Variants in ADAMTS6 observed in about 807,000 individuals in gnomAD.
ADAMTS6 encodes A disintegrin and metalloproteinase with thrombospondin motifs 6.
In ADAMTS6, 23 loss-of-function variants were observed where a neutral mutation model predicts 144.3. The ratio of observed to expected loss-of-function variants is 0.16; its 90% CI spans 0.11 to 0.23. ADAMTS6 has a LOEUF of 0.23. Among genes scored for constraint, ADAMTS6 ranks in the 10% least tolerant of loss-of-function variants. The probability of loss-of-function intolerance (pLI) is 1.00; values close to 1 mark genes in which losing one functional copy is unlikely to be tolerated. For synonymous variants in ADAMTS6, 444 were observed against 457.5 expected (o/e 0.97, Z 0.38); for missense variants, 999 against 1,379.6 (o/e 0.72, Z 4.37).
intron 15 of ADAMTS6, among the ~76,000 whole-genome samples, chr5:65,228,609 CA>C (rs1342866883): frequency 1.3e-5 from 2 of 152,028 alleles, no homozygotes; most frequent in African/African-American, 4.8e-5. Flanking sequence ...ATTCCCCAAA[CA>C]GACAAATCGA....
At chr5:65,455,038 C>T (rs1759070956) in intron 4 of ADAMTS6, among the ~76,000 whole-genome samples, 1 of 152,244 alleles carries the variant, frequency 6.6e-6, no homozygotes, top group Admixed American at 6.5e-5. Context: ...GCTCAATCCT[C>T]TGTGATCATA....
At chr5:65,226,729 C>T (rs930043734) in intron 15 of ADAMTS6, among the ~76,000 whole-genome samples, 2 of 151,818 alleles carry the variant, frequency 1.3e-5, no homozygotes, top group Non-Finnish European at 2.9e-5. Flanking sequence ...ATTACAGGCA[C>T]CTGCCACTAT....
At chr5:65,254,945 A>G (rs1760518804) in intron 14 of ADAMTS6, among the ~76,000 whole-genome samples, 1 of 152,258 alleles carries the variant, frequency 6.6e-6, no homozygotes, top group East Asian at 1.9e-4. Context: ...AGTAGTGCTC[A>G]GTAAATGTCA....
chr5:65,176,299 T>C (rs1753979346), intron 22 of ADAMTS6, among the ~76,000 whole-genome samples: 1 of 152,194 alleles, frequency 6.6e-6, no homozygotes, highest in Non-Finnish European at 1.5e-5. Flanking sequence ...AAAAAGAATT[T>C]ATGCAAGAAA....
At chr5:65,223,762 C>A (rs1186523172) in intron 18 of ADAMTS6, among the ~76,000 whole-genome samples, 1 of 151,208 alleles carries the variant, frequency 6.6e-6, no homozygotes, top group Non-Finnish European at 1.5e-5. Context: ...AATAATGCTG[C>A]AATGATCATG....
At position 65,471,130 on chromosome 5, in the gene ADAMTS6, G is replaced by T. The variant is rs1760400283; in HGVS notation, c.110C>A (p.Thr37Asn). ...LSYSSQEEFL[T>N]YLEHYQLTIP... ...AGTTAGCTGGTAGTGTTCAAGATAA[G>T]TCAGGAATTCCTCTTTGTAATCACA... The change falls in exon 3 of 25, where the codon ACT (threonine) becomes AAT (asparagine). Residue 37 changes from threonine (T) to asparagine (N), a missense_variant. Thr to Asn is a moderately conservative substitution (Grantham distance 65, BLOSUM62 0). Coordinates refer to ENST00000381055, the MANE Select transcript of ADAMTS6 (RefSeq NM_197941.4). The T allele has an allele frequency of 6.3e-7, 1 of 1,589,210 alleles. No individual in the cohort carries two copies. The highest frequency in any genetic ancestry group is 8.5e-7 in the Non-Finnish European group (1 of 1,172,984).
chr5:65,199,588 A>G (rs887905117), intron 20 of ADAMTS6, among the ~76,000 whole-genome samples: 6 of 152,206 alleles, frequency 3.9e-5, no homozygotes, highest in Non-Finnish European at 8.8e-5. Flanking sequence ...ACTGACCCAT[A>G]GTCCAATATT....
At chr5:65,266,212 C>T (rs1467892470) in intron 12 of ADAMTS6, among the ~76,000 whole-genome samples, 1 of 151,856 alleles carries the variant, frequency 6.6e-6, no homozygotes, top group Non-Finnish European at 1.5e-5. Flanking sequence ...AGAAAAGTCA[C>T]ATGAACTAAA....
chr5:65,153,027 T>G (rs1752218575), intron 24 of ADAMTS6, among the ~76,000 whole-genome samples: 1 of 152,198 alleles, frequency 6.6e-6, no homozygotes, highest in Non-Finnish European at 1.5e-5. Context: ...TTTGCTTGTT[T>G]TTTCCTGGCT....
chr5:65,443,622 CAAAAAAAAAAAA>C lies in ADAMTS6; in HGVS notation c.1073+7841_1073+7852del, dbSNP rs59240974. On this transcript the variant is annotated intron_variant, in intron 7 of 24. Transcript: ENST00000381055. ...TAGGCAACAGAGTGAGACCCTGTCTCAAAAAAAAAAAAAAAAAAAAAAAAAAAGTTGGTATTC... is the reference window on the plus strand; with the variant it reads ...TAGGCAACAGAGTGAGACCCTGTCTCAAAAAAAAAAAAAAAGTTGGTATTC... Among the ~76,000 whole-genome samples the C allele has an allele frequency of 1.6e-4, 11 of 69,122 alleles. No individual in the cohort carries two copies. In the Admixed American group the frequency reaches 1.8e-3, roughly 12 times the overall value. 45.3% of individuals were successfully genotyped at this position (69,122 alleles called of 152,430 possible).
intron 2 of ADAMTS6, among the ~76,000 whole-genome samples, chr5:65,471,637 A>G (rs949656896): frequency 6.6e-6 from 1 of 152,150 alleles, no homozygotes; most frequent in South Asian, 2.1e-4. Context: ...ACACGCCTGT[A>G]GTCTCAGCTA....
At chr5:65,192,812 G>A (rs1217042592) in intron 21 of ADAMTS6, among the ~76,000 whole-genome samples, 14 of 151,782 alleles carry the variant, frequency 9.2e-5, no homozygotes, top group Admixed American at 9.2e-4. Flanking sequence ...GGTCTTCAAA[G>A]TCTTCCAAAT....
chr5:65,248,185 G>A (rs1465742419), intron 14 of ADAMTS6, among the ~76,000 whole-genome samples: 1 of 152,028 alleles, frequency 6.6e-6, no homozygotes, highest in African/African-American at 2.4e-5. Context: ...ATTCATACTA[G>A]GGCATTCAAA....
chr5:65,178,289 C>T (rs1023165000), intron 22 of ADAMTS6, among the ~76,000 whole-genome samples: 2 of 152,144 alleles, frequency 1.3e-5, no homozygotes, highest in South Asian at 4.1e-4. Context: ...ATGGGTCTTT[C>T]AACTCTCACG....
intron 3 of ADAMTS6, among the ~76,000 whole-genome samples, chr5:65,462,972 C>A (rs905563922): frequency 6.6e-6 from 1 of 151,282 alleles, no homozygotes. Context: ...CCCAGCTACT[C>A]GGGAGGCTGA....
At chr5:65,300,273 G>A in intron 9 of ADAMTS6, 142 bp from the exon 10 acceptor site, 4 of 680,318 alleles carry the variant, frequency 5.9e-6, no homozygotes, top group South Asian at 2.2e-5. Flanking sequence ...AAGAAATTTA[G>A]GATTAAAATT....
intron 24 of ADAMTS6, among the ~76,000 whole-genome samples, chr5:65,154,273 T>G (rs17206863): frequency 0.054 from 8,182 of 152,122 alleles, 290 homozygotes; most frequent in Middle Eastern, 0.13. Context: ...CTTAGATGAG[T>G]GCTAGAAATA....
intron 14 of ADAMTS6, among the ~76,000 whole-genome samples, chr5:65,249,613 CT>C (rs1473078894): frequency 2.0e-5 from 3 of 152,114 alleles, no homozygotes; most frequent in African/African-American, 7.2e-5. Flanking sequence ...CTTTTTCTGC[CT>C]TATGCCCCTC....
chr5:65,449,900 A>G (rs1758601414), intron 7 of ADAMTS6, among the ~76,000 whole-genome samples: 1 of 152,196 alleles, frequency 6.6e-6, no homozygotes, highest in African/African-American at 2.4e-5. Context: ...TAAAAATCCA[A>G]TGGAGATATA....
Sources: allele counts gnomAD v4.1 joint callset (sites outside exome capture counted in the v4.1 genomes callset), GRCh38; gene constraint gnomAD v4.1.1; transcripts MANE v1.5; gene names NCBI Gene and HGNC (gene_info 2026-07-23, HGNC 2026-07-21).